CDC42SE2: variants seen among roughly 807,000 people sequenced by gnomAD.
CDC42SE2 encodes CDC42 small effector 2, also known as CDC42 small effector protein 2.
A neutral mutation model predicts 11.5 loss-of-function variants in CDC42SE2; 3 were observed. The observed-to-expected ratio is 0.26, with a 90% CI of 0.12 to 0.67. The LOEUF (loss-of-function observed/expected upper bound fraction) is 0.67. Among genes scored for constraint, CDC42SE2 ranks in the 30% least tolerant of loss-of-function variants. The pLI is 0.80. For synonymous variants in CDC42SE2, 33 were observed against 34.8 expected (o/e 0.95, Z 0.18); for missense variants, 82 against 106.8 (o/e 0.77, Z 1.02).
At chr5:131,372,241 T>G (rs1220235749) in intron 3 of CDC42SE2, among the ~76,000 whole-genome samples, 2 of 152,204 alleles carry the variant, frequency 1.3e-5, no homozygotes, top group Admixed American at 1.3e-4. Flanking sequence ...AAGATATTAC[T>G]CAATGCCATT....
At chr5:131,336,777 T>C (rs1758574695) in intron 2 of CDC42SE2, among the ~76,000 whole-genome samples, 1 of 152,252 alleles carries the variant, frequency 6.6e-6, no homozygotes, top group Non-Finnish European at 1.5e-5. Context: ...TACTGAGGCT[T>C]GTGCATTCGT....
At chr5:131,371,336 C>T (rs993799511) in intron 3 of CDC42SE2, among the ~76,000 whole-genome samples, 3 of 152,010 alleles carry the variant, frequency 2.0e-5, no homozygotes, top group Non-Finnish European at 2.9e-5. Context: ...TCTCAGTTCT[C>T]GGGGTACCCT....
chr5:131,380,014 C>T (rs570805156), intron 3 of CDC42SE2, among the ~76,000 whole-genome samples: 3 of 151,952 alleles, frequency 2.0e-5, no homozygotes, highest in Non-Finnish European at 4.4e-5. Flanking sequence ...GCCAACCCCC[C>T]ACCCCAGGTT....
At chr5:131,282,040 CAT>C (rs1390579076) in intron 1 of CDC42SE2, among the ~76,000 whole-genome samples, 1 of 152,132 alleles carries the variant, frequency 6.6e-6, no homozygotes, top group Admixed American at 6.6e-5. Flanking sequence ...AAACTAGAAA[CAT>C]GTATAACCCA....
At position 131,313,600 on chromosome 5, in the gene CDC42SE2, G is replaced by GT. The variant is rs575093675; in HGVS notation, c.-454-2375dup. Among the ~76,000 whole-genome samples the GT allele has an allele frequency of 5.3e-5, 8 of 152,216 alleles. No individual in the cohort carries two copies. The East Asian group carries it at 1.5e-3, about 29-fold the overall frequency. On this transcript the variant is annotated intron_variant, in intron 1 of 4. Transcript: ENST00000505065. ...ATCCTTTCTCTGCTGGATTGCCTTT[G>GT]TACCCTTATGGAAAATAAGTTGACT...
chr5:131,342,902 G>A (rs1461620069), intron 2 of CDC42SE2, among the ~76,000 whole-genome samples: 4 of 151,854 alleles, frequency 2.6e-5, no homozygotes, highest in African/African-American at 9.7e-5. Flanking sequence ...TAGTAGGAAC[G>A]GGGTTTCATT....
chr5:131,373,346 A>G (rs1750063786), intron 3 of CDC42SE2, among the ~76,000 whole-genome samples: 1 of 152,188 alleles, frequency 6.6e-6, no homozygotes, highest in Non-Finnish European at 1.5e-5. Context: ...TGAGTGAGCC[A>G]CTGCCTAACT....
At chr5:131,379,987 C>T (rs1375011115) in intron 3 of CDC42SE2, among the ~76,000 whole-genome samples, 1 of 150,346 alleles carries the variant, frequency 6.7e-6, no homozygotes, top group Non-Finnish European at 1.5e-5. Context: ...GATCTCGGCT[C>T]ACTGCAACCT....
chr5:131,340,756 T>C (rs116008162), intron 2 of CDC42SE2, among the ~76,000 whole-genome samples: 5,929 of 151,788 alleles, frequency 0.039, 363 homozygotes, highest in African/African-American at 0.13. Context: ...ATGATCTTAG[T>C]CCATTGCAGC....
At chr5:131,356,415 C>G (rs563183510) in intron 2 of CDC42SE2, among the ~76,000 whole-genome samples, 1 of 152,116 alleles carries the variant, frequency 6.6e-6, no homozygotes, top group South Asian at 2.1e-4. Context: ...CATATATATA[C>G]TTTAGAAACC....
chr5:131,212,699 T>C, the CDC42SE2 span, among the ~76,000 whole-genome samples: 1 of 152,222 alleles, frequency 6.6e-6, no homozygotes, highest in East Asian at 1.9e-4. Flanking sequence ...CTTTTCTTTC[T>C]GGCATATGGG....
the CDC42SE2 span, among the ~76,000 whole-genome samples, chr5:131,215,018 A>T: frequency 6.6e-6 from 1 of 152,244 alleles, no homozygotes; most frequent in Non-Finnish European, 1.5e-5. Flanking sequence ...TCTGGTCAGT[A>T]AGGACCTCAG....
At chr5:131,325,195 T>C (rs1446515540) in intron 2 of CDC42SE2, among the ~76,000 whole-genome samples, 1 of 152,178 alleles carries the variant, frequency 6.6e-6, no homozygotes, top group Non-Finnish European at 1.5e-5. Context: ...AGGATTACTT[T>C]TGGATTTCCA....
In CDC42SE2 at chr5:131,391,015, T is replaced by G. The variant is rs1235033953; in HGVS notation, c.179T>G (p.Met60Arg). ...TAGGTTAGCTCCATTCAGAACCAAA[T>G]GCAGTCCAAGGGAGGTTATGGAGGT... ...MNSVSSIQNQ[M>R]QSKGGYGGGM... Residue 60 changes from methionine to arginine, a missense_variant, in exon 5 of 5, where the codon ATG (methionine) becomes AGG (arginine). Met to Arg is a moderately conservative substitution (Grantham distance 91). Coordinates refer to ENST00000505065, the MANE Select transcript of CDC42SE2 (RefSeq NM_001375635.1). The G allele has an allele frequency of 1.2e-6, 2 of 1,612,418 alleles. No homozygotes were observed. Among genetic ancestry groups the G allele is most frequent in the Non-Finnish European group, 1.7e-6 (2 of 1,178,928 alleles).
At chr5:131,246,087 G>A (rs528636579) in intron 1 of CDC42SE2, among the ~76,000 whole-genome samples, 1 of 152,286 alleles carries the variant, frequency 6.6e-6, no homozygotes, top group African/African-American at 2.4e-5. Flanking sequence ...ACATAAAATT[G>A]TTGAGTCATG....
At chr5:131,356,815 G>A (rs1009940870) in intron 2 of CDC42SE2, among the ~76,000 whole-genome samples, 7 of 152,070 alleles carry the variant, frequency 4.6e-5, no homozygotes, top group African/African-American at 1.7e-4. Context: ...GGCTAAGGCA[G>A]GAGGATCACC....
At chr5:131,322,668 A>G (rs534039939) in intron 2 of CDC42SE2, among the ~76,000 whole-genome samples, 53 of 151,962 alleles carry the variant, frequency 3.5e-4, no homozygotes, top group African/African-American at 1.2e-3. Flanking sequence ...ATAATATTCC[A>G]TTGTATGTTT....
intron 1 of CDC42SE2, among the ~76,000 whole-genome samples, chr5:131,302,287 C>T (rs184452267): frequency 6.6e-6 from 1 of 152,146 alleles, no homozygotes; most frequent in East Asian, 1.9e-4. Flanking sequence ...TCAAGAGATT[C>T]TCCTGCCTCA....
chr5:131,322,101 C>T (rs1262225016), intron 2 of CDC42SE2, among the ~76,000 whole-genome samples: 7 of 152,304 alleles, frequency 4.6e-5, no homozygotes, highest in Admixed American at 6.5e-5. Context: ...TCACCTGCCT[C>T]GGGCTCCCAA....
Sources: gnomAD v4.1 joint callset for allele counts (sites outside exome capture counted in the v4.1 genomes callset) on GRCh38, gnomAD v4.1.1 for gene constraint, MANE v1.5 for transcripts, NCBI Gene and HGNC (gene_info 2026-07-23, HGNC 2026-07-21) for gene names.